PTK2: variants seen among roughly 807,000 people sequenced by gnomAD.
The protein encoded by PTK2 is protein tyrosine kinase 2.
In PTK2, 45 loss-of-function variants were observed where a neutral mutation model predicts 150.1. The observed-to-expected ratio is 0.30, with a 90% confidence interval of 0.24 to 0.38. The LOEUF (loss-of-function observed/expected upper bound fraction) is 0.38. Ranked by LOEUF, PTK2 falls within the 10% of genes least tolerant of loss-of-function variation. PTK2 has a pLI of 1.00. For synonymous variants in PTK2, 432 were observed against 449.2 expected, an observed-to-expected ratio of 0.96 and a Z score of 0.48; for missense variants, 919 against 1,307.3, an observed-to-expected ratio of 0.70 and a Z score of 4.58.
chr8:140,987,561 A>G (rs2100193774), intron 1 of PTK2, among the ~76,000 whole-genome samples: 1 of 152,234 alleles, frequency 6.6e-6, no homozygotes. Flanking sequence ...GCTCAACACT[A>G]TCAGTCATTT....
chr8:140,767,888 TAA>T (rs1236294219), intron 14 of PTK2, among the ~76,000 whole-genome samples: 13 of 152,280 alleles, frequency 8.5e-5, no homozygotes, highest in Non-Finnish European at 1.8e-4. Context: ...TCAAGGGCCC[TAA>T]AAATTGGAGT....
At chr8:140,681,345 T>A (rs2100016784) in intron 27 of PTK2, among the ~76,000 whole-genome samples, 1 of 143,478 alleles carries the variant, frequency 7.0e-6, no homozygotes, top group Non-Finnish European at 1.5e-5. Flanking sequence ...AGCGCGAGAC[T>A]CCGTCTCAAA....
chr8:140,675,168 C>CTT (rs772090005), intron 28 of PTK2, among the ~76,000 whole-genome samples: 4 of 138,332 alleles, frequency 2.9e-5, no homozygotes, highest in African/African-American at 5.2e-5. Flanking sequence ...GCATTTCTTT[C>CTT]TTTTTTTTTT....
intron 2 of PTK2, among the ~76,000 whole-genome samples, chr8:140,911,389 C>T (rs2100163094): frequency 6.6e-6 from 1 of 152,070 alleles, no homozygotes; most frequent in African/African-American, 2.4e-5. Flanking sequence ...TTGTTCACAT[C>T]TAGTCTTTTC....
At chr8:140,664,855 C>A (rs2087848938) in intron 31 of PTK2, 62 bp downstream of exon 35, 8 of 1,522,570 alleles carry the variant, frequency 5.3e-6, no homozygotes, top group Middle Eastern at 1.7e-4. Context: ...CCACAGGCAT[C>A]CCTGAATGTG....
chr8:140,752,122 T>C (rs138160576), intron 17 of PTK2, 110 bp downstream of exon 20: 13 of 911,628 alleles, frequency 1.4e-5, no homozygotes, highest in Middle Eastern at 5.1e-4. Flanking sequence ...ATAATAAACA[T>C]AGTTGTCTCC....
chr8:140,818,190 T>C, intron 10 of PTK2, 87 bp downstream of exon 10: 1 of 1,247,052 alleles, frequency 8.0e-7, no homozygotes, highest in East Asian at 2.3e-5. Context: ...AATTGTAAAA[T>C]GATCTTTTCC....
At chr8:140,860,820 G>A (rs2100135634) in intron 5 of PTK2, among the ~76,000 whole-genome samples, 1 of 151,916 alleles carries the variant, frequency 6.6e-6, no homozygotes, top group East Asian at 1.9e-4. Context: ...TATGACTTTG[G>A]TACCACCTTT....
chr8:140,825,522 TAG>T (rs1411770600), intron 8 of PTK2, among the ~76,000 whole-genome samples: 1 of 152,180 alleles, frequency 6.6e-6, no homozygotes, highest in Admixed American at 6.5e-5. Flanking sequence ...GTTCTGAAAT[TAG>T]GTTTCTACTG....
At chr8:140,779,246 AAAAAAAAAAAAAAG>A (rs1301391757) in intron 14 of PTK2, among the ~76,000 whole-genome samples, 281 of 96,882 alleles carry the variant, frequency 2.9e-3, no homozygotes, top group Admixed American at 4.3e-3. Flanking sequence ...TGGGCGATGG[AAAAAAAAAAAAAAG>A]AAAAAAAAAA....
At chr8:140,793,293 T>C (rs2154582420) in intron 13 of PTK2, 61 bp downstream of exon 13, 1 of 1,544,742 alleles carries the variant, frequency 6.5e-7, no homozygotes, top group Non-Finnish European at 8.8e-7. Context: ...TAATAAAGCA[T>C]AGAAATTTCC....
At chr8:140,750,498 T>A (rs928371250) in intron 17 of PTK2, 1 of 152,162 alleles carries the variant, frequency 6.6e-6, no homozygotes, top group African/African-American at 2.4e-5. Flanking sequence ...AGAACTAGTC[T>A]TGTGTGACAA....
At chr8:140,865,535 A>G (rs2100138792) in intron 4 of PTK2, among the ~76,000 whole-genome samples, 1 of 152,218 alleles carries the variant, frequency 6.6e-6, no homozygotes, top group Non-Finnish European at 1.5e-5. Context: ...ACCACTCAAT[A>G]AAATTTCAAT....
At chr8:140,851,614 T>A (rs1281089604) in intron 5 of PTK2, among the ~76,000 whole-genome samples, 1 of 152,140 alleles carries the variant, frequency 6.6e-6, no homozygotes, top group Non-Finnish European at 1.5e-5. Flanking sequence ...ATCCCAGTAC[T>A]TTGGGAGGCC....
At chr8:140,934,005 A>AT (rs397951140) in intron 1 of PTK2, among the ~76,000 whole-genome samples, 1 of 152,054 alleles carries the variant, frequency 6.6e-6, no homozygotes, top group Non-Finnish European at 1.5e-5. Flanking sequence ...ACAAAAAAAA[A>AT]TACCTTTAAC....
intron 1 of PTK2, among the ~76,000 whole-genome samples, chr8:140,930,234 T>G (rs548631921): frequency 1.1e-4 from 16 of 152,354 alleles, no homozygotes; most frequent in Admixed American, 3.9e-4. Flanking sequence ...TTAAATGTTG[T>G]GTCTGAAAAT....
intron 4 of PTK2, among the ~76,000 whole-genome samples, chr8:140,865,617 T>C (rs1284931440): frequency 6.6e-6 from 1 of 152,232 alleles, no homozygotes; most frequent in African/African-American, 2.4e-5. Flanking sequence ...GTCCATCTTA[T>C]TAAAATACAA....
chr8:140,685,613 A>G (rs758748594), intron 27 of PTK2, among the ~76,000 whole-genome samples: 18 of 152,256 alleles, frequency 1.2e-4, no homozygotes, highest in East Asian at 1.9e-4. Flanking sequence ...GATGACATAA[A>G]CATGGCCAAC....
chr8:140,894,740 T>C (rs545855429), intron 2 of PTK2, among the ~76,000 whole-genome samples: 20 of 152,100 alleles, frequency 1.3e-4, no homozygotes, highest in Non-Finnish European at 2.8e-4. Context: ...TGGGAGTCCA[T>C]TGAGACTGGT....
Sources: allele counts gnomAD v4.1 joint callset (sites outside exome capture counted in the v4.1 genomes callset), GRCh38; gene constraint gnomAD v4.1.1; transcripts MANE v1.5; gene names NCBI Gene and HGNC (gene_info 2026-07-23, HGNC 2026-07-21).